Variants in VWDE observed in about 807,000 individuals in gnomAD.
The protein encoded by VWDE is von Willebrand factor D and EGF domain-containing protein.
A neutral mutation model predicts 178.4 loss-of-function variants in VWDE; 207 were observed. That is an observed-to-expected ratio of 1.16 (90% CI 1.04 to 1.30). The LOEUF is 1.30. VWDE is among the 50% of genes most tolerant of loss of function. VWDE has a pLI of 0.00. For missense variants in VWDE, 2,287 were observed against 1,901.3 expected (o/e 1.20, Z -3.77); for synonymous variants, 738 against 651.4 (o/e 1.13, Z -2.02).
At chr7:12,360,558 C>G (rs1782522111) in intron 15 of VWDE, among the ~76,000 whole-genome samples, 1 of 152,068 alleles carries the variant, frequency 6.6e-6, no homozygotes, top group Non-Finnish European at 1.5e-5. Flanking sequence ...GTATGCACCT[C>G]AGCTTTGAGG....
chr7:12,352,617 A>G (rs1279086553), intron 18 of VWDE, among the ~76,000 whole-genome samples: 1 of 152,194 alleles, frequency 6.6e-6, no homozygotes, highest in African/African-American at 2.4e-5. Flanking sequence ...GAAGGTGTGA[A>G]TATTAGGGAT....
At chr7:12,365,991 G>T (rs900940992) in intron 13 of VWDE, among the ~76,000 whole-genome samples, 19 of 151,980 alleles carry the variant, frequency 1.3e-4, no homozygotes, top group Non-Finnish European at 2.4e-4. Context: ...TTTCTCCCAT[G>T]CTGCTCTCAT....
intron 28 of VWDE, among the ~76,000 whole-genome samples, chr7:12,332,806 A>G (rs918309634): frequency 6.6e-6 from 1 of 152,178 alleles, no homozygotes; most frequent in Admixed American, 6.5e-5. Flanking sequence ...TCAAGCTTCA[A>G]GAAGAAAATT....
At chr7:12,342,713 G>C (rs748546005) in intron 22 of VWDE, among the ~76,000 whole-genome samples, 14 of 150,110 alleles carry the variant, frequency 9.3e-5, no homozygotes, top group Non-Finnish European at 1.8e-4. Context: ...TCAAGTTTTA[G>C]GGTACATGTG....
In VWDE at chr7:12,336,096, TTCCAATTCAGAACATA is replaced by T. The variant is rs770497357; in HGVS notation, c.4654+29_4654+44del. On this transcript the variant is annotated intron_variant, in intron 27 of 28. Coordinates refer to ENST00000275358, the MANE Select transcript of VWDE (RefSeq NM_001135924.3). Reference sequence around the variant, plus strand: ...GCTATACTTTAATTATTATAACAGATTCCAATTCAGAACATATAGTAGGAAAAACATCCTGTGGGCT... The same window carrying T: ...GCTATACTTTAATTATTATAACAGATTAGTAGGAAAAACATCCTGTGGGCT... 122 of 1,475,992 alleles carry T rather than the reference TTCCAATTCAGAACATA, an allele frequency of 8.3e-5. No individual in the cohort carries two copies. In the African/African-American group the frequency reaches 1.5e-3, roughly 18 times the overall value. The allele number at this position is 1,475,992 out of a possible 1,614,324, so 91.4% of individuals were successfully genotyped here.
chr7:12,336,124 A>G lies in VWDE; in HGVS notation c.4654+17T>C. The G allele has an allele frequency of 6.5e-7, 1 of 1,546,208 alleles. No individual in the cohort carries two copies. On this transcript the variant is annotated intron_variant, in intron 27 of 28. Transcript: ENST00000275358. ...CAATTCAGAACATATAGTAGGAAAA[A>G]CATCCTGTGGGCTTACGTATTTGAC... is the stretch of plus-strand genomic sequence containing the variant.
chr7:12,338,030 A>G (rs979661189), intron 24 of VWDE, among the ~76,000 whole-genome samples: 6 of 152,128 alleles, frequency 3.9e-5, no homozygotes, highest in Admixed American at 1.3e-4. Context: ...AATAATAATT[A>G]AATAAATGTT....
intron 28 of VWDE, among the ~76,000 whole-genome samples, chr7:12,331,916 C>A (rs1780741637): frequency 6.6e-6 from 1 of 152,048 alleles, no homozygotes; most frequent in Non-Finnish European, 1.5e-5. Context: ...TTGTCTCTAG[C>A]CAGTAATTCT....
At chr7:12,372,489 C>A (rs1401720586) in intron 10 of VWDE, among the ~76,000 whole-genome samples, 2 of 151,932 alleles carry the variant, frequency 1.3e-5, no homozygotes, top group Admixed American at 6.6e-5. Flanking sequence ...AGTTTACTCA[C>A]AGATATGAAG....
intron 28 of VWDE, among the ~76,000 whole-genome samples, chr7:12,332,996 A>G (rs1289687161): frequency 3.3e-5 from 5 of 152,196 alleles, no homozygotes; most frequent in Non-Finnish European, 7.3e-5. Context: ...AGAGAGAGAG[A>G]TTATTAGAAC....
chr7:12,373,345 G>C, intron 9 of VWDE, 98 bp from the exon 10 acceptor site: 7 of 1,281,666 alleles, frequency 5.5e-6, no homozygotes, highest in Non-Finnish European at 4.3e-6. Flanking sequence ...CGATCATTTT[G>C]TTGTATGCAC....
At position 12,340,967 on chromosome 7, in the gene VWDE, A is replaced by G. The variant is rs369147119; in HGVS notation, c.4271-550T>C. 7.2e-4 allele frequency among the ~76,000 whole-genome samples: 109 copies of G among 152,108 alleles called. 4 individuals carry two copies. The South Asian group carries it at 0.022, about 30-fold the overall frequency. ...TTGTTTTGCTTTGAAAGACATCCCC[A>G]ATTTTATTTTTCACCCTAGATCCTA... On this transcript the variant is annotated intron_variant, in intron 23 of 28. Coordinates refer to ENST00000275358, the MANE Select transcript of VWDE (RefSeq NM_001135924.3).
At chr7:12,394,776 TGAAA>T (rs1201839469) in intron 1 of VWDE, among the ~76,000 whole-genome samples, 1 of 152,020 alleles carries the variant, frequency 6.6e-6, no homozygotes, top group African/African-American at 2.4e-5. Flanking sequence ...AATAGAAAGG[TGAAA>T]GAAACAATTC....
intron 25 of VWDE, 37 bp from the exon 26 acceptor site, chr7:12,337,120 C>T (rs1295934075): frequency 1.3e-6 from 2 of 1,551,274 alleles, no homozygotes; most frequent in African/African-American, 2.7e-5. Flanking sequence ...CCCTTAAATT[C>T]AACAGTTTTG....
intron 27 of VWDE, among the ~76,000 whole-genome samples, chr7:12,335,150 G>C (rs951927990): frequency 3.3e-5 from 5 of 152,098 alleles, no homozygotes; most frequent in South Asian, 2.1e-4. Context: ...ATAAATCTGT[G>C]TAATTTCAGT....
chr7:12,351,902 T>A (rs1000061523), intron 18 of VWDE, among the ~76,000 whole-genome samples, 189 bp from the exon 19 acceptor site: 4 of 152,144 alleles, frequency 2.6e-5, no homozygotes, highest in Admixed American at 2.0e-4. Context: ...CTAAAATTCA[T>A]ATGTTAAATC....
At chr7:12,395,888 A>C (rs2128563508) in intron 1 of VWDE, among the ~76,000 whole-genome samples, 1 of 152,266 alleles carries the variant, frequency 6.6e-6, no homozygotes, top group African/African-American at 2.4e-5. Context: ...AAATACTAAA[A>C]GAATAGCTCT....
intron 1 of VWDE, among the ~76,000 whole-genome samples, chr7:12,397,479 C>T (rs1236049025): frequency 6.6e-6 from 1 of 151,872 alleles, no homozygotes; most frequent in Non-Finnish European, 1.5e-5. Context: ...AGGAAAAAAC[C>T]CTAGGAAGTA....
At chr7:12,374,595 G>T in intron 9 of VWDE, 94 bp downstream of exon 9, 1 of 838,162 alleles carries the variant, frequency 1.2e-6, no homozygotes, top group Non-Finnish European at 1.8e-6. Flanking sequence ...CAGTGACTAG[G>T]ACTAAAAAAT....
Sources: allele counts gnomAD v4.1 joint callset (sites outside exome capture counted in the v4.1 genomes callset), GRCh38; gene constraint gnomAD v4.1.1; transcripts MANE v1.5; gene names NCBI Gene and HGNC (gene_info 2026-07-23, HGNC 2026-07-21).